CERS6: variants seen among roughly 807,000 people sequenced by gnomAD.
CERS6 encodes the protein LAG1 homolog, ceramide synthase 6.
In CERS6, 26 loss-of-function variants were observed where a neutral mutation model predicts 56.8. The ratio of observed to expected loss-of-function variants is 0.46; its 90% CI spans 0.34 to 0.63. The LOEUF (loss-of-function observed/expected upper bound fraction) is 0.63, where lower values mean the gene tolerates loss of function less well. Ranked by LOEUF, CERS6 falls within the 30% of genes least tolerant of loss-of-function variation. CERS6 has a pLI of 0.01. For synonymous variants in CERS6, 164 were observed against 173.3 expected, an observed-to-expected ratio of 0.95 and a Z score of 0.42; for missense variants, 415 against 467.5, an observed-to-expected ratio of 0.89 and a Z score of 1.04.
intron 4 of CERS6, among the ~76,000 whole-genome samples, chr2:168,682,632 G>A (rs1686248578): frequency 6.6e-6 from 1 of 152,090 alleles, no homozygotes; most frequent in African/African-American, 2.4e-5. Context: ...TCTAGACACA[G>A]GAAGACACAA....
At chr2:168,575,851 G>T (rs1683251276) in intron 3 of CERS6, among the ~76,000 whole-genome samples, 1 of 152,052 alleles carries the variant, frequency 6.6e-6, no homozygotes. Context: ...CCCAACCTGG[G>T]ATGCCCTTCC....
rs200224970 is a variant in CERS6, at chr2:168,649,131, CA to C, written c.465+18090del. Among the ~76,000 whole-genome samples, 1,372 of 152,282 alleles carry C rather than the reference CA, an allele frequency of 9.0e-3. 27 individuals carry two copies. Among genetic ancestry groups the C allele is most frequent in the African/African-American group, 0.03 (1,244 of 41,558 alleles). On this transcript the variant is annotated intron_variant, in intron 4 of 9. Transcript: ENST00000305747. The stretch of plus-strand genomic sequence containing the variant: ...TTAGAGAAGGATGGGTCGTTAGCTG[CA>C]GCAGCCTTGGGCTTCCTCAGCATAC...
At chr2:168,592,103 A>G (rs1683686063) in intron 3 of CERS6, among the ~76,000 whole-genome samples, 1 of 152,224 alleles carries the variant, frequency 6.6e-6, no homozygotes. Flanking sequence ...GAATAAAATA[A>G]ATGCCCCAAA....
chr2:168,745,720 T>C lies in CERS6; in HGVS notation c.846-19872T>C, dbSNP rs147611979. The stretch of plus-strand genomic sequence containing the variant: ...AAGTATATTCAGACCTGGAGAAATA[T>C]GCCTATATAATGATCCAGAAGTCTG... On this transcript the variant is annotated intron_variant, in intron 8 of 9. Coordinates refer to ENST00000305747, the MANE Select transcript of CERS6 (RefSeq NM_203463.3). Among the ~76,000 whole-genome samples the C allele has an allele frequency of 2.6e-3, 396 of 152,336 alleles. 9 individuals are homozygous for C. Among genetic ancestry groups the C allele is most frequent in the Admixed American group, 0.022 (338 of 15,304 alleles).
intron 3 of CERS6, among the ~76,000 whole-genome samples, chr2:168,568,594 G>A (rs1323415413): frequency 6.6e-6 from 1 of 152,150 alleles, no homozygotes; most frequent in Non-Finnish European, 1.5e-5. Context: ...TTATACAGGT[G>A]CCCACACTAA....
chr2:168,559,351 A>G (rs113752953), intron 2 of CERS6, among the ~76,000 whole-genome samples: 102 of 152,298 alleles, frequency 6.7e-4, no homozygotes, highest in African/African-American at 2.4e-3. Flanking sequence ...AATACTATCA[A>G]CTGGGTGGCT....
At chr2:168,712,065 A>G (rs1324114436) in intron 6 of CERS6, among the ~76,000 whole-genome samples, 2 of 152,174 alleles carry the variant, frequency 1.3e-5, no homozygotes, top group Non-Finnish European at 2.9e-5. Context: ...GGGGTCCAGA[A>G]GAAAGTGGCT....
At chr2:168,607,672 G>C (rs1182179106) in intron 3 of CERS6, among the ~76,000 whole-genome samples, 1 of 152,108 alleles carries the variant, frequency 6.6e-6, no homozygotes, top group Non-Finnish European at 1.5e-5. Context: ...GAGCCACTGT[G>C]CCAGGCCAAA....
At chr2:168,463,812 G>A (rs953602079) in intron 1 of CERS6, among the ~76,000 whole-genome samples, 6 of 152,172 alleles carry the variant, frequency 3.9e-5, no homozygotes, top group Non-Finnish European at 7.3e-5. Flanking sequence ...GGGAGGCTGA[G>A]GTGGGAGGAT....
rs191655099 is a variant in CERS6 at position 168,734,173 on chromosome 2, G to C, written c.845+16195G>C. Among the ~76,000 whole-genome samples, 143 of 152,256 alleles carry C rather than the reference G, an allele frequency of 9.4e-4. 1 individual carries two copies. The highest frequency in any genetic ancestry group is 3.3e-3 in the African/African-American group (137 of 41,546). ...TAGAATTATCCATGCAAGGGATTCT[G>C]GTATAGGAGGTGTGGGCGGTGAGCA... On this transcript the variant is annotated intron_variant, in intron 8 of 9. Coordinates refer to ENST00000305747, the MANE Select transcript of CERS6 (RefSeq NM_203463.3).
At chr2:168,500,341 C>T (rs1694557174) in intron 1 of CERS6, among the ~76,000 whole-genome samples, 1 of 152,050 alleles carries the variant, frequency 6.6e-6, no homozygotes, top group African/African-American at 2.4e-5. Context: ...AAGGGGTGGT[C>T]ATATTTGGCT....
chr2:168,706,303 T>G (rs1288878182), intron 6 of CERS6, among the ~76,000 whole-genome samples: 1 of 152,212 alleles, frequency 6.6e-6, no homozygotes, highest in Non-Finnish European at 1.5e-5. Context: ...AATTTTATTG[T>G]GTCCTTTTCC....
At chr2:168,654,690 C>T (rs1021985253) in intron 4 of CERS6, among the ~76,000 whole-genome samples, 1 of 152,146 alleles carries the variant, frequency 6.6e-6, no homozygotes, top group Non-Finnish European at 1.5e-5. Flanking sequence ...CTCTGGCCAT[C>T]GGTTAATAGT....
chr2:168,526,530 G>A (rs78349729), intron 1 of CERS6, among the ~76,000 whole-genome samples: 3,115 of 152,312 alleles, frequency 0.02, 124 homozygotes, highest in East Asian at 0.18. Flanking sequence ...TCACACCAGT[G>A]TATCATTTAA....
chr2:168,581,917 C>T (rs1009292649), intron 3 of CERS6, among the ~76,000 whole-genome samples: 3 of 152,102 alleles, frequency 2.0e-5, no homozygotes, highest in African/African-American at 4.8e-5. Context: ...TGCTCCTGTC[C>T]GGCATGGACG....
intron 8 of CERS6, among the ~76,000 whole-genome samples, chr2:168,751,840 C>G (rs1004126440): frequency 1.3e-5 from 2 of 152,194 alleles, no homozygotes; most frequent in South Asian, 4.1e-4. Context: ...GGTACCCATT[C>G]CAGCTATGCA....
intron 4 of CERS6, among the ~76,000 whole-genome samples, chr2:168,638,803 A>G (rs574604534): frequency 1.3e-5 from 2 of 152,324 alleles, no homozygotes; most frequent in Middle Eastern, 6.8e-3. Context: ...TCAGATTGAC[A>G]GCTTTCTTCA....
At chr2:168,616,413 TAAGTGCTCCACTTAA>T in intron 3 of CERS6, among the ~76,000 whole-genome samples, 1 of 152,310 alleles carries the variant, frequency 6.6e-6, no homozygotes, top group East Asian at 1.9e-4. Context: ...GTAAATGGCC[TAAGTGCTCCACTTAA>T]AAGATACGGA....
In CERS6 at chr2:168,773,590, T is replaced by G. The variant is rs1449062428; in HGVS notation, c.*3928T>G. On this transcript the variant is annotated 3_prime_UTR_variant, in exon 10 of 10. Coordinates refer to ENST00000305747, the MANE Select transcript of CERS6 (RefSeq NM_203463.3). Reference sequence around the variant, plus strand: ...GAAAGAGAAAATGCAATGAGCCCAGTTACTGCACTTGCCACTACCATGCTG... The same window carrying G: ...GAAAGAGAAAATGCAATGAGCCCAGGTACTGCACTTGCCACTACCATGCTG... 3 of 152,238 alleles carry G rather than the reference T, an allele frequency of 2.0e-5. No individual in the cohort carries two copies. Among genetic ancestry groups the G allele is most frequent in the African/African-American group, 7.2e-5 (3 of 41,470 alleles). 9.4% of individuals were successfully genotyped at this position (152,238 alleles called of 1,614,324 possible). A position where few individuals can be genotyped will look rare whatever the true frequency, so the allele number is the denominator to read the frequency against.
Sources: allele counts gnomAD v4.1 joint callset (sites outside exome capture counted in the v4.1 genomes callset), GRCh38; gene constraint gnomAD v4.1.1; transcripts MANE v1.5; gene names NCBI Gene and HGNC (gene_info 2026-07-23, HGNC 2026-07-21).